The following ZRANB2 variants were observed in gnomAD, a reference collection of about 807,000 sequenced individuals.
The protein encoded by ZRANB2 is zinc finger RANBP2-type containing 2, also known as zinc finger Ran-binding domain-containing protein 2.
A neutral mutation model predicts 53.4 loss-of-function variants in ZRANB2; 19 were observed. That is an observed-to-expected ratio of 0.36 (90% confidence interval 0.25 to 0.52). The LOEUF is 0.52. Among genes scored for constraint, ZRANB2 ranks in the 20% least tolerant of loss-of-function variants. The pLI, the probability that ZRANB2 is intolerant of heterozygous loss-of-function variation, is 0.93. For missense variants in ZRANB2, 309 were observed against 401.1 expected (o/e 0.77, Z 1.96); for synonymous variants, 145 against 134.8 (o/e 1.08, Z -0.52).
chr1:71,077,349 A>C (rs946475194), intron 3 of ZRANB2, among the ~76,000 whole-genome samples: 1 of 152,230 alleles, frequency 6.6e-6, no homozygotes, highest in African/African-American at 2.4e-5. Flanking sequence ...ATGAAAAAAT[A>C]TAACTTTAAA....
At chr1:71,066,673 G>C in intron 9 of ZRANB2, 103 bp downstream of exon 9, 1 of 1,244,760 alleles carries the variant, frequency 8.0e-7, no homozygotes. Context: ...TAGAAAGTCG[G>C]AACACAAGAG....
At chr1:71,072,360 AGTTGCTG>A in intron 5 of ZRANB2, 105 bp from the exon 6 acceptor site, 1 of 1,434,048 alleles carries the variant, frequency 7.0e-7, no homozygotes, top group Non-Finnish European at 9.5e-7. Context: ...GAAAATGATC[AGTTGCTG>A]AAGACTCAAA....
Position 71,078,493 on chromosome 1 carries a change from C to T in ZRANB2, c.182G>A (p.Arg61Gln), listed in dbSNP as rs1661762141. Residue 61 changes from arginine (R) to glutamine (Q), a missense_variant, in exon 3 of 10, where the codon CGA becomes CAA. Coordinates refer to ENST00000370920, the MANE Select transcript of ZRANB2 (RefSeq NM_203350.3). Reference protein sequence around the residue: ...EIGKTLAEKSRGLFSANDWQC... With the variant: ...EIGKTLAEKSQGLFSANDWQC... ...CCAGTCATTAGCACTAAATAGGCCT[C>T]GGCTCTTTTCTGCAAGTGTCTTTCC... 3 of 1,613,994 alleles carry T rather than the reference C, an allele frequency of 1.9e-6. No homozygotes were observed. Among genetic ancestry groups the T allele is most frequent in the African/African-American group, 1.3e-5 (1 of 75,028 alleles).
intron 8 of ZRANB2, among the ~76,000 whole-genome samples, chr1:71,067,917 C>A (rs556064419): frequency 6.6e-6 from 1 of 150,598 alleles, no homozygotes; most frequent in South Asian, 2.1e-4. Context: ...TGCTCTGTTC[C>A]CCAGGCTGTG....
chr1:71,079,514 T>C (rs1049279117), intron 1 of ZRANB2, among the ~76,000 whole-genome samples: 1 of 152,210 alleles, frequency 6.6e-6, no homozygotes, highest in African/African-American at 2.4e-5. Flanking sequence ...AGATGTGAAG[T>C]ATGGGATGAC....
Position 71,078,654 on chromosome 1 carries a change from A to G in ZRANB2, c.109+2T>C. 1.9e-6 allele frequency: 3 copies of G among 1,612,726 alleles called. No homozygotes were observed. The highest frequency in any genetic ancestry group is 2.5e-6 in the Non-Finnish European group (3 of 1,178,924). On this transcript the variant is annotated splice_donor_variant, in intron 2 of 9. Coordinates refer to ENST00000370920, the MANE Select transcript of ZRANB2 (RefSeq NM_203350.3). LOFTEE classifies it high-confidence loss of function. ...TAAATAGAATCTTCTTTAAATACTT[A>G]CCCCGACCACATCGATTACAGCTGG...
In ZRANB2 at chr1:71,071,010, A is replaced by G. The variant is rs532464523; in HGVS notation, c.514-14T>C. The G allele has an allele frequency of 9.1e-6, 14 of 1,533,704 alleles. No homozygotes were observed. The South Asian group carries it at 1.8e-4, about 20-fold the overall frequency. ...TTCATCCTCATCCTAACAAAAATTC[A>G]ATTATAATTAGACATTTAGATATTA... On this transcript the variant is annotated splice_polypyrimidine_tract_variant and intron_variant, in intron 6 of 9. Transcript: ENST00000370920.
chr1:71,065,581 C>A, intron 9 of ZRANB2: 1 of 1,458,662 alleles, frequency 6.9e-7, no homozygotes, highest in South Asian at 1.5e-5. Flanking sequence ...AAAATATACT[C>A]ATAAATAAGT....
At chr1:71,072,621 C>G in intron 4 of ZRANB2, 73 bp from the exon 5 acceptor site, 3 of 1,161,582 alleles carry the variant, frequency 2.6e-6, no homozygotes, top group South Asian at 2.8e-5. Context: ...GCCCAAATCT[C>G]CAGACAACAA....
intron 9 of ZRANB2, 29 bp downstream of exon 9, chr1:71,066,747 C>A: frequency 6.2e-7 from 1 of 1,604,478 alleles, no homozygotes; most frequent in Non-Finnish European, 8.5e-7. Context: ...CTTAAGAACA[C>A]CCATTCTTAT....
intron 3 of ZRANB2, among the ~76,000 whole-genome samples, 199 bp downstream of exon 3, chr1:71,078,258 A>T (rs1426986830): frequency 6.6e-6 from 1 of 152,172 alleles, no homozygotes; most frequent in Non-Finnish European, 1.5e-5. Context: ...CATAGTGACA[A>T]CTATTACCAT....
intron 8 of ZRANB2, among the ~76,000 whole-genome samples, chr1:71,068,814 GAC>G (rs1054683262): frequency 6.2e-5 from 9 of 145,302 alleles, no homozygotes; most frequent in African/African-American, 1.8e-4. Context: ...TTTTTTTTGA[GAC>G]ACTCCTCTGT....
chr1:71,080,751 A>G lies in ZRANB2; in HGVS notation c.56+189T>C, dbSNP rs187476060. ...GAGGAAACGCTGAAGACATATCTAG[A>G]ACAAAGGCTCCCGGAAAGACCTCTC... On this transcript the variant is annotated intron_variant, in intron 1 of 9. Coordinates refer to ENST00000370920, the MANE Select transcript of ZRANB2 (RefSeq NM_203350.3). Among the ~76,000 whole-genome samples, 13 of 152,324 alleles carry G rather than the reference A, an allele frequency of 8.5e-5. No individual in the cohort carries two copies. In the East Asian group the frequency reaches 2.5e-3, roughly 29 times the overall value.
chr1:71,078,629 T>C lies in ZRANB2; in HGVS notation c.109+27A>G, dbSNP rs573262162. 1.8e-5 allele frequency: 29 copies of C among 1,610,306 alleles called. No individual in the cohort carries two copies. The East Asian group carries it at 6.0e-4, about 33-fold the overall frequency. On this transcript the variant is annotated intron_variant, in intron 2 of 9. Transcript: ENST00000370920. The stretch of plus-strand genomic sequence containing the variant: ...ATAAATAAATGATACATATACAGTA[T>C]AAATAGAATCTTCTTTAAATACTTA...
intron 9 of ZRANB2, chr1:71,066,469 T>A (rs1299476850): frequency 4.4e-6 from 1 of 225,456 alleles, no homozygotes; most frequent in Non-Finnish European, 8.5e-6. Context: ...CATAAATTAC[T>A]TCGACATACA....
Position 71,076,880 on chromosome 1 carries a change from T to G in ZRANB2, c.219-3A>C. ...TGGCCCAATTCACATTGCTGCAACT[T>G]TAGAAGTGAAAAATACTAAATTAGT... On this transcript the variant is annotated splice_polypyrimidine_tract_variant and splice_region_variant and intron_variant, in intron 3 of 9. Coordinates refer to ENST00000370920, the MANE Select transcript of ZRANB2 (RefSeq NM_203350.3). 1.2e-6 allele frequency: 2 copies of G among 1,609,468 alleles called. No homozygotes were observed. The highest frequency in any genetic ancestry group is 2.2e-5 in the South Asian group (2 of 90,376).
chr1:71,065,718 C>T (rs770353425), intron 9 of ZRANB2: 3 of 1,612,436 alleles, frequency 1.9e-6, no homozygotes, highest in Non-Finnish European at 2.5e-6. Flanking sequence ...TGGCCCTGGG[C>T]TCAGGGTTGT....
chr1:71,080,167 T>C (rs558192723), intron 1 of ZRANB2, among the ~76,000 whole-genome samples: 53 of 152,284 alleles, frequency 3.5e-4, no homozygotes, highest in African/African-American at 1.2e-3. Context: ...ATTAAATTAT[T>C]TTCCATGTTA....
intron 6 of ZRANB2, among the ~76,000 whole-genome samples, chr1:71,071,641 T>C (rs557490858): frequency 5.5e-4 from 84 of 152,142 alleles, no homozygotes; most frequent in African/African-American, 1.9e-3. Context: ...TACTGGCCTA[T>C]GTATGGTATT....
Sources: allele counts gnomAD v4.1 joint callset (sites outside exome capture counted in the v4.1 genomes callset), GRCh38; gene constraint gnomAD v4.1.1; transcripts MANE v1.5; gene names NCBI Gene and HGNC (gene_info 2026-07-23, HGNC 2026-07-21).